Variants in NBAS observed in about 807,000 individuals in gnomAD.
NBAS encodes the protein NBAS subunit of NRZ tethering complex, also known as NAG/BC035112 fusion.
Under a neutral mutation model 302.5 loss-of-function variants are expected in NBAS, and 219 were observed. The ratio of observed to expected loss-of-function variants is 0.72; its 90% CI spans 0.65 to 0.81. The LOEUF (loss-of-function observed/expected upper bound fraction) is 0.81, where lower values mean the gene tolerates loss of function less well. Ranked by LOEUF, NBAS falls within the 30% of genes least tolerant of loss-of-function variation. NBAS has a pLI of 0.00. For synonymous variants in NBAS, 1,118 were observed against 1,021.6 expected, an observed-to-expected ratio of 1.09 and a Z score of -1.80; for missense variants, 2,932 against 2,841.6, an observed-to-expected ratio of 1.03 and a Z score of -0.72.
At chr2:15,070,472 T>A in the NBAS span, among the ~76,000 whole-genome samples, 1 of 152,068 alleles carries the variant, frequency 6.6e-6, no homozygotes, top group African/African-American at 2.4e-5. Flanking sequence ...CATATCTGCC[T>A]CCATTTCTCA....
At chr2:15,440,908 G>T (rs369391617) in intron 21 of NBAS, among the ~76,000 whole-genome samples, 2 of 151,970 alleles carry the variant, frequency 1.3e-5, no homozygotes, top group Non-Finnish European at 1.5e-5. Flanking sequence ...GGGTATCAGC[G>T]ATGGAAGATG....
At chr2:15,393,923 G>C (rs574547209) in intron 28 of NBAS, among the ~76,000 whole-genome samples, 1 of 152,158 alleles carries the variant, frequency 6.6e-6, no homozygotes, top group East Asian at 1.9e-4. Context: ...CAGAAGTAAA[G>C]AAAATAGATT....
chr2:15,378,058 A>T (rs771294339), intron 30 of NBAS, among the ~76,000 whole-genome samples: 14 of 152,216 alleles, frequency 9.2e-5, no homozygotes, highest in Non-Finnish European at 1.8e-4. Flanking sequence ...ATAAGTAAAT[A>T]ATTTGCTAGA....
At chr2:14,820,805 T>C in the NBAS span, among the ~76,000 whole-genome samples, 1 of 152,190 alleles carries the variant, frequency 6.6e-6, no homozygotes, top group Non-Finnish European at 1.5e-5. Context: ...AACAGTCAGC[T>C]CCCATCAGGA....
chr2:15,197,886 A>G (rs528434454), intron 48 of NBAS, among the ~76,000 whole-genome samples: 2 of 152,196 alleles, frequency 1.3e-5, no homozygotes, highest in African/African-American at 2.4e-5. Flanking sequence ...AATGCTCTCC[A>G]TGTTCCCTTT....
the NBAS span, among the ~76,000 whole-genome samples, chr2:14,857,269 A>C: frequency 1.3e-5 from 2 of 152,220 alleles, no homozygotes; most frequent in Non-Finnish European, 2.9e-5. Context: ...TACAGATTCA[A>C]TGCACTTTCC....
rs79575180 is a variant in NBAS, at chr2:15,504,092, T to G, written c.954+53A>C. ...CATTCAGCTTTGACCTTAAAGGTACTTCAGGGTAAAAATGTTTGAGAAGCC... is the reference window on the plus strand; with the variant it reads ...CATTCAGCTTTGACCTTAAAGGTACGTCAGGGTAAAAATGTTTGAGAAGCC... On this transcript the variant is annotated intron_variant, in intron 11 of 51. Transcript: ENST00000281513. The G allele has an allele frequency of 3.4e-3, 4,968 of 1,458,552 alleles. 151 individuals are homozygous for G. In the African/African-American group the frequency reaches 0.062, roughly 18 times the overall value. The allele number at this position is 1,458,552 out of a possible 1,614,324, so 90.4% of individuals were successfully genotyped here. A position where few individuals can be genotyped will look rare whatever the true frequency, so the allele number is the denominator to read the frequency against.
At chr2:15,490,650 G>C (rs1022610099) in intron 11 of NBAS, among the ~76,000 whole-genome samples, 1 of 152,150 alleles carries the variant, frequency 6.6e-6, no homozygotes, top group African/African-American at 2.4e-5. Flanking sequence ...ATTTCACAAA[G>C]GAAGAGATTA....
chr2:15,336,831 C>A (rs1033952624), intron 35 of NBAS, among the ~76,000 whole-genome samples: 2 of 152,022 alleles, frequency 1.3e-5, no homozygotes, highest in Non-Finnish European at 2.9e-5. Context: ...GTAGAATCTT[C>A]TAAATTGAGA....
intron 48 of NBAS, among the ~76,000 whole-genome samples, chr2:15,217,142 TAAA>T (rs1164128739): frequency 6.6e-6 from 1 of 152,156 alleles, no homozygotes; most frequent in Non-Finnish European, 1.5e-5. Context: ...GCCTGCTCTT[TAAA>T]AAAACACTGC....
chr2:15,559,619 G>T (rs557368830), intron 1 of NBAS, among the ~76,000 whole-genome samples: 1 of 152,282 alleles, frequency 6.6e-6, no homozygotes, highest in Non-Finnish European at 1.5e-5. Flanking sequence ...CCTGGGAAGA[G>T]ATATAAAGAT....
the NBAS span, among the ~76,000 whole-genome samples, chr2:15,144,055 A>ATATTATCC: frequency 7.1e-6 from 1 of 140,380 alleles, no homozygotes; most frequent in African/African-American, 2.7e-5. Context: ...AAAAATATAT[A>ATATTATCC]TATATATATA....
the NBAS span, among the ~76,000 whole-genome samples, chr2:15,128,246 T>C: frequency 2.0e-5 from 3 of 152,244 alleles, no homozygotes; most frequent in Non-Finnish European, 4.4e-5. Context: ...ATCCTTTTAA[T>C]GCTAATATCC....
At chr2:15,539,143 C>A (rs754143311) in intron 7 of NBAS, 80 bp downstream of exon 7, 4 of 1,565,280 alleles carry the variant, frequency 2.6e-6, no homozygotes, top group African/African-American at 1.4e-5. Context: ...ATTATCCCCC[C>A]CTTCACACTC....
intron 25 of NBAS, 110 bp from the exon 26 acceptor site, chr2:15,402,411 T>C (rs1244117574): frequency 2.7e-5 from 28 of 1,045,536 alleles, no homozygotes; most frequent in Admixed American, 4.0e-5. Context: ...TAATCAACTA[T>C]AGAAACAAGT....
chr2:14,858,279 T>A, the NBAS span, among the ~76,000 whole-genome samples: 1 of 151,882 alleles, frequency 6.6e-6, no homozygotes, highest in Non-Finnish European at 1.5e-5. Context: ...AAAAATAGAG[T>A]TACCATATCA....
chr2:15,179,156 G>A (rs757483823), intron 50 of NBAS, 40 bp from the exon 51 acceptor site: 53 of 1,613,138 alleles, frequency 3.3e-5, no homozygotes, highest in Middle Eastern at 1.7e-4. Flanking sequence ...ACTCCACGAC[G>A]TACTTCTCAC....
chr2:15,067,022 TTAAAAAG>T, the NBAS span, among the ~76,000 whole-genome samples: 2 of 152,022 alleles, frequency 1.3e-5, no homozygotes, highest in African/African-American at 2.4e-5. Context: ...TTATTCAGCC[TTAAAAAG>T]GCAGAAATCC....
rs775321062 is a variant in NBAS, at chr2:15,561,312, G to A, written c.-8C>T. 2.9e-5 allele frequency: 46 copies of A among 1,610,830 alleles called. No individual in the cohort carries two copies. The highest frequency in any genetic ancestry group is 4.5e-5 in the East Asian group (2 of 44,874). On this transcript the variant is annotated 5_prime_UTR_variant, in exon 1 of 52. Transcript: ENST00000281513. ...TGACTCGGGGGCCGCCATGTTCGCCGAGGACTCAGGCAGCGGAGGAGTGTC... is the reference window on the plus strand; with the variant it reads ...TGACTCGGGGGCCGCCATGTTCGCCAAGGACTCAGGCAGCGGAGGAGTGTC...
Sources: allele counts gnomAD v4.1 joint callset (sites outside exome capture counted in the v4.1 genomes callset), GRCh38; gene constraint gnomAD v4.1.1; transcripts MANE v1.5; gene names NCBI Gene and HGNC (gene_info 2026-07-23, HGNC 2026-07-21).